LRP6: variants seen among roughly 807,000 people sequenced by gnomAD.
The protein encoded by LRP6 is LDL receptor related protein 6.
Under a neutral mutation model 184.1 loss-of-function variants are expected in LRP6, and 43 were observed. That is an observed-to-expected ratio of 0.23 (90% confidence interval 0.18 to 0.30). LRP6 has a LOEUF of 0.30. Ranked by LOEUF, LRP6 falls within the 10% of genes least tolerant of loss-of-function variation. The probability of loss-of-function intolerance (pLI) is 1.00; values close to 1 mark genes in which losing one functional copy is unlikely to be tolerated. For missense variants in LRP6, 1,571 were observed against 2,005.3 expected, an observed-to-expected ratio of 0.78 and a Z score of 4.14; for synonymous variants, 719 against 684.9, an observed-to-expected ratio of 1.05 and a Z score of -0.78.
At chr12:12,138,846 C>T in intron 15 of LRP6, 1 of 1,385,596 alleles carries the variant, frequency 7.2e-7, no homozygotes. Flanking sequence ...ATAAAAATGG[C>T]ACTTCTCTGG....
At chr12:12,212,342 A>C (rs1247630856) in intron 2 of LRP6, among the ~76,000 whole-genome samples, 2 of 152,182 alleles carry the variant, frequency 1.3e-5, no homozygotes, top group East Asian at 3.8e-4. Context: ...TTTAATGATT[A>C]CATTATTCTA....
chr12:12,246,148 G>A (rs986063121), intron 1 of LRP6, among the ~76,000 whole-genome samples: 3 of 151,648 alleles, frequency 2.0e-5, no homozygotes, highest in Admixed American at 6.6e-5. Flanking sequence ...GATTACAGGT[G>A]CCCACCACTA....
intron 5 of LRP6, 150 bp downstream of exon 5, chr12:12,183,830 A>C: frequency 1.5e-6 from 1 of 655,404 alleles, no homozygotes; most frequent in South Asian, 1.8e-5. Context: ...AGAACAAAAC[A>C]CTCCTATTCT....
intron 2 of LRP6, among the ~76,000 whole-genome samples, chr12:12,207,153 C>T (rs1173211202): frequency 6.6e-6 from 1 of 152,188 alleles, no homozygotes; most frequent in African/African-American, 2.4e-5. Flanking sequence ...TGGTAGCTAC[C>T]TTTCCCTGCA....
intron 15 of LRP6, among the ~76,000 whole-genome samples, chr12:12,145,973 G>T (rs1175016360): frequency 6.6e-6 from 1 of 151,932 alleles, no homozygotes; most frequent in Non-Finnish European, 1.5e-5. Context: ...CATACACTGT[G>T]TATACACAGT....
intron 2 of LRP6, among the ~76,000 whole-genome samples, chr12:12,217,868 C>A (rs1864389476): frequency 6.6e-6 from 1 of 152,106 alleles, no homozygotes; most frequent in African/African-American, 2.4e-5. Flanking sequence ...AAAGGACATA[C>A]AGAAATTAAT....
At chr12:12,237,038 T>C (rs1317474499) in intron 2 of LRP6, among the ~76,000 whole-genome samples, 1 of 152,186 alleles carries the variant, frequency 6.6e-6, no homozygotes, top group Non-Finnish European at 1.5e-5. Flanking sequence ...GGCTTGGTCT[T>C]TCTGGTGACC....
At chr12:12,245,258 AC>A (rs1190697115) in intron 1 of LRP6, among the ~76,000 whole-genome samples, 3 of 152,214 alleles carry the variant, frequency 2.0e-5, no homozygotes, top group Non-Finnish European at 4.4e-5. Flanking sequence ...AAAATAATGA[AC>A]CCTTTGTACA....
chr12:12,160,013 G>T, intron 10 of LRP6, 49 bp from the exon 11 acceptor site: 1 of 1,350,192 alleles, frequency 7.4e-7, no homozygotes, highest in Non-Finnish European at 1.0e-6. Flanking sequence ...TTATTATCTG[G>T]GGGAAAGAGT....
intron 2 of LRP6, among the ~76,000 whole-genome samples, chr12:12,227,565 G>T (rs529523323): frequency 6.6e-6 from 1 of 151,942 alleles, no homozygotes; most frequent in Non-Finnish European, 1.5e-5. Flanking sequence ...GCACCACCAT[G>T]CCAGGCTAAT....
intron 7 of LRP6, among the ~76,000 whole-genome samples, chr12:12,176,610 C>T (rs1863189251): frequency 6.6e-6 from 1 of 152,124 alleles, no homozygotes; most frequent in Non-Finnish European, 1.5e-5. Context: ...CTAATGTAGC[C>T]AGCATCTGGT....
At chr12:12,157,078 G>C (rs1862605515) in intron 12 of LRP6, among the ~76,000 whole-genome samples, 1 of 152,214 alleles carries the variant, frequency 6.6e-6, no homozygotes, top group South Asian at 2.1e-4. Flanking sequence ...GCCTATGAGA[G>C]AAAGCTGCTG....
intron 15 of LRP6, chr12:12,139,021 G>C (rs781490583): frequency 1.9e-5 from 25 of 1,299,334 alleles, no homozygotes; most frequent in Non-Finnish European, 2.4e-5. Context: ...GAGTCATCCA[G>C]ACTCTGAGGA....
chr12:12,181,296 T>A lies in LRP6; in HGVS notation c.1120A>T (p.Ile374Phe). ...CTCACTTCATCATCAGTCCAGTAGATGTAGCCTTCCACAGGATCGTAATCT... is the reference window on the plus strand; with the variant it reads ...CTCACTTCATCATCAGTCCAGTAGAAGTAGCCTTCCACAGGATCGTAATCT... ...AIDYDPVEGY[I>F]YWTDDEVRAI... Residue 374 changes from isoleucine (I) to phenylalanine (F), a missense_variant, in exon 6 of 23, where the codon ATC becomes TTC. By Grantham distance (21) the Ile-to-Phe change is conservative (BLOSUM62 0). This residue lies in a region of LRP6 where 640 missense variants were observed against 851.9 expected (regional missense o/e 0.75). Transcript: ENST00000261349. 1 of 1,614,174 alleles carries A rather than the reference T, an allele frequency of 6.2e-7. No homozygotes were observed. Among genetic ancestry groups the A allele is most frequent in the Non-Finnish European group, 8.5e-7 (1 of 1,179,996 alleles).
chr12:12,190,837 T>C (rs1361665741), intron 3 of LRP6, among the ~76,000 whole-genome samples: 1 of 152,152 alleles, frequency 6.6e-6, no homozygotes, highest in Non-Finnish European at 1.5e-5. Context: ...AAGAAGACAA[T>C]GTCAGCAGTG....
At chr12:12,156,479 T>G (rs982192455) in intron 12 of LRP6, among the ~76,000 whole-genome samples, 2 of 152,222 alleles carry the variant, frequency 1.3e-5, no homozygotes, top group African/African-American at 2.4e-5. Context: ...ATAGGTCATG[T>G]AGGACCCAGT....
rs773818278 is a variant in LRP6, at chr12:12,181,349, A to G, written c.1067T>C (p.Leu356Ser). The G allele has an allele frequency of 6.2e-7, 1 of 1,612,944 alleles. No individual in the cohort carries two copies. Among genetic ancestry groups the G allele is most frequent in the Non-Finnish European group, 8.5e-7 (1 of 1,178,904 alleles). Residue 356 changes from leucine to serine, a missense_variant, in exon 6 of 23, where the codon TTA (leucine) becomes TCA (serine). This residue lies in a region of LRP6 where 640 missense variants were observed against 851.9 expected (regional missense o/e 0.75). Transcript: ENST00000261349. The stretch of plus-strand genomic sequence containing the variant: ...GGCAATGGCATGACGGATGTCTTCT[A>G]ACTGCAGAACAATGTCTGTAAAATC... Reference protein sequence around the residue: ...TPDFTDIVLQLEDIRHAIAID... With the variant: ...TPDFTDIVLQSEDIRHAIAID...
In LRP6 at chr12:12,127,028, G is replaced by A. The variant is rs1949682116; in HGVS notation, c.4082-107C>T. 6 of 912,248 alleles carry A rather than the reference G, an allele frequency of 6.6e-6. No individual in the cohort carries two copies. In the East Asian group the frequency reaches 1.5e-4, roughly 23 times the overall value. 56.5% of individuals were successfully genotyped at this position (912,248 alleles called of 1,614,324 possible). A position where few individuals can be genotyped will look rare whatever the true frequency, so the allele number is the denominator to read the frequency against. On this transcript the variant is annotated intron_variant, in intron 19 of 22. Coordinates refer to ENST00000261349, the MANE Select transcript of LRP6 (RefSeq NM_002336.3). ...TAGGATGTGAAGCTATAAGCCTAAT[G>A]AAGATAATTCATAAACACTTTTCTT... is the stretch of plus-strand genomic sequence containing the variant.
chr12:12,134,293 TCA>T (rs1458668974), intron 17 of LRP6, among the ~76,000 whole-genome samples: 2 of 151,910 alleles, frequency 1.3e-5, no homozygotes, highest in East Asian at 3.8e-4. Context: ...CTGTATAAAC[TCA>T]GTTATTTTAC....
Sources: gnomAD v4.1 joint callset for allele counts (sites outside exome capture counted in the v4.1 genomes callset) on GRCh38, gnomAD v4.1.1 for gene constraint, gnomAD v4.1.1 regional missense constraint, MANE v1.5 for transcripts, NCBI Gene and HGNC (gene_info 2026-07-23, HGNC 2026-07-21) for gene names.